The following GPC3 variants were observed in gnomAD, a reference collection of about 807,000 sequenced individuals.
GPC3 encodes glypican-3.
In GPC3, 3 loss-of-function variants were observed where a neutral mutation model predicts 34.4. The observed-to-expected ratio is 0.09, with a 90% CI of 0.04 to 0.23. GPC3 has a LOEUF of 0.23. Among genes scored for constraint, GPC3 ranks in the 10% least tolerant of loss-of-function variants. GPC3 has a pLI of 1.00. For missense variants in GPC3, 351 were observed against 445.6 expected, an observed-to-expected ratio of 0.79 and a Z score of 1.91; for synonymous variants, 177 against 174.0, an observed-to-expected ratio of 1.02 and a Z score of -0.13.
At chrX:133,855,689 C>T (rs1346291980) in intron 2 of GPC3, among the ~76,000 whole-genome samples, 1 of 109,425 alleles carries the variant, frequency 9.1e-6, no homozygotes, top group Admixed American at 9.8e-5. Flanking sequence ...AACTATAGTC[C>T]TTATGTTTTA....
chrX:133,727,977 C>A (rs2071426150), intron 3 of GPC3, among the ~76,000 whole-genome samples: 1 of 112,320 alleles, frequency 8.9e-6, no homozygotes, highest in Non-Finnish European at 1.9e-5. Context: ...TTACTACAAT[C>A]TAGATGAAGC....
chrX:133,693,325 A>C (rs1161753572), intron 4 of GPC3, among the ~76,000 whole-genome samples: 1 of 110,947 alleles, frequency 9.0e-6, no homozygotes, highest in East Asian at 2.8e-4. Flanking sequence ...TCAGATGTAC[A>C]TGGATACACA....
chrX:133,937,381 A>G (rs2076327867), intron 2 of GPC3, among the ~76,000 whole-genome samples: 1 of 111,732 alleles, frequency 8.9e-6, no homozygotes, highest in Non-Finnish European at 1.9e-5. Context: ...TGGTGTCAAT[A>G]GAAATAGATT....
chrX:133,926,118 T>C (rs1381437399), intron 2 of GPC3, among the ~76,000 whole-genome samples: 2 of 111,616 alleles, frequency 1.8e-5, no homozygotes, highest in Non-Finnish European at 3.8e-5. Flanking sequence ...AACTCTGATA[T>C]GCTGTGATTC....
At chrX:133,827,592 G>A (rs183336891) in intron 2 of GPC3, among the ~76,000 whole-genome samples, 279 of 111,180 alleles carry the variant, frequency 2.5e-3, no homozygotes, top group African/African-American at 8.5e-3. Context: ...AGAACAGCCT[G>A]GCCAACCTGG....
intron 2 of GPC3, among the ~76,000 whole-genome samples, chrX:133,791,797 TTTCCTTCCTTCCTTCCTTCC>T (rs199692354): frequency 0.059 from 4,728 of 80,165 alleles, 153 homozygotes; most frequent in Middle Eastern, 0.13. Flanking sequence ...TCCTTTTTCT[TTTCCTTCCTTCCTTCCTTCC>T]TTCCTTCCTT....
chrX:133,776,055 CT>C (rs748806659), intron 2 of GPC3, among the ~76,000 whole-genome samples: 28 of 111,641 alleles, frequency 2.5e-4, no homozygotes, highest in African/African-American at 9.1e-4. Context: ...CACACCCTTT[CT>C]ATCAAATCAA....
intron 2 of GPC3, among the ~76,000 whole-genome samples, chrX:133,834,590 A>T (rs1249034806): frequency 2.7e-5 from 3 of 111,913 alleles, no homozygotes; most frequent in African/African-American, 9.7e-5. Context: ...GAAAGAATAA[A>T]GTGGGCATGA....
chrX:133,885,367 A>C lies in GPC3; in HGVS notation c.337+67683T>G, dbSNP rs151134649. ...TGGATTTCCCTTATATATGATCCTC[A>C]AGTGTCCAGAATGTAGATAACAATC... On this transcript the variant is annotated intron_variant, in intron 2 of 7. Coordinates refer to ENST00000370818, the MANE Select transcript of GPC3 (RefSeq NM_004484.4). Among the ~76,000 whole-genome samples the C allele has an allele frequency of 2.6e-3, 286 of 111,766 alleles. 1 individual carries two copies. Among genetic ancestry groups the C allele is most frequent in the African/African-American group, 8.9e-3 (275 of 30,825 alleles).
chrX:133,767,796 A>G (rs760487083), intron 2 of GPC3, among the ~76,000 whole-genome samples: 22 of 111,092 alleles, frequency 2.0e-4, no homozygotes, highest in Non-Finnish European at 3.6e-4. Context: ...AGCAAAGTTC[A>G]ACCATGCAGC....
chrX:133,552,898 C>G (rs1283526711), intron 7 of GPC3, among the ~76,000 whole-genome samples: 1 of 111,321 alleles, frequency 9.0e-6, no homozygotes, highest in Non-Finnish European at 1.9e-5. Context: ...TAGAACAAAG[C>G]AAGCAAGTGC....
At chrX:133,726,438 T>C (rs191689685) in intron 3 of GPC3, among the ~76,000 whole-genome samples, 61 of 111,788 alleles carry the variant, frequency 5.5e-4, no homozygotes, top group African/African-American at 2.0e-3. Context: ...AAGTTAGCAT[T>C]CAGTTGTCTC....
At chrX:133,903,234 T>C (rs1371265725) in intron 2 of GPC3, among the ~76,000 whole-genome samples, 2 of 111,647 alleles carry the variant, frequency 1.8e-5, no homozygotes, top group Non-Finnish European at 3.8e-5. Context: ...ACATTTAGAC[T>C]GTTTTCCAAT....
chrX:133,874,607 G>T (rs1356364864), intron 2 of GPC3, among the ~76,000 whole-genome samples: 2 of 111,712 alleles, frequency 1.8e-5, no homozygotes, highest in Non-Finnish European at 3.8e-5. Context: ...TCAGTAATAG[G>T]TTGGACAACA....
chrX:133,758,803 T>C (rs2071755967), intron 2 of GPC3, among the ~76,000 whole-genome samples: 1 of 111,340 alleles, frequency 9.0e-6, no homozygotes, highest in South Asian at 3.8e-4. Flanking sequence ...TATGAGTAAA[T>C]GCAGGAAAAA....
intron 2 of GPC3, among the ~76,000 whole-genome samples, chrX:133,873,852 G>C (rs2076004614): frequency 9.0e-6 from 1 of 111,393 alleles, no homozygotes; most frequent in South Asian, 3.8e-4. Context: ...CAAAACAAGA[G>C]GTGCTAATAG....
intron 5 of GPC3, among the ~76,000 whole-genome samples, chrX:133,665,424 C>G (rs943001939): frequency 8.1e-5 from 9 of 111,572 alleles, no homozygotes; most frequent in Admixed American, 1.9e-4. Flanking sequence ...TTAGATGTCC[C>G]CGTCCATGAT....
chrX:133,633,579 G>T (rs2070387705), intron 6 of GPC3, among the ~76,000 whole-genome samples: 1 of 111,958 alleles, frequency 8.9e-6, no homozygotes, highest in Admixed American at 9.5e-5. Flanking sequence ...GAGACCTGGG[G>T]TCAAGAGTCG....
At chrX:133,722,810 C>T (rs1447478969) in intron 3 of GPC3, among the ~76,000 whole-genome samples, 2 of 111,187 alleles carry the variant, frequency 1.8e-5, no homozygotes, top group African/African-American at 6.5e-5. Flanking sequence ...GGCTGAGAAA[C>T]ACTTCTGAGA....
Sources: gnomAD v4.1 joint callset for allele counts (sites outside exome capture counted in the v4.1 genomes callset) on GRCh38, gnomAD v4.1.1 for gene constraint, MANE v1.5 for transcripts, NCBI Gene and HGNC (gene_info 2026-07-23, HGNC 2026-07-21) for gene names.